Variants in ZNF236 observed in about 807,000 individuals in gnomAD.
ZNF236 encodes the protein zinc finger protein 236, also known as regulated by glucose.
Under a neutral mutation model 191.2 loss-of-function variants are expected in ZNF236, and 50 were observed. The observed-to-expected ratio is 0.26, with a 90% CI of 0.21 to 0.33. The LOEUF (loss-of-function observed/expected upper bound fraction) is 0.33, where lower values mean the gene tolerates loss of function less well. Among genes scored for constraint, ZNF236 ranks in the 10% least tolerant of loss-of-function variants. The probability of loss-of-function intolerance (pLI) is 1.00; values close to 1 mark genes in which losing one functional copy is unlikely to be tolerated. For synonymous variants in ZNF236, 907 were observed against 928.8 expected, an observed-to-expected ratio of 0.98 and a Z score of 0.43; for missense variants, 1,754 against 2,374.5, an observed-to-expected ratio of 0.74 and a Z score of 5.43.
chr18:76,923,694 TCTGC>T (rs1240651019), intron 21 of ZNF236, among the ~76,000 whole-genome samples: 3 of 152,168 alleles, frequency 2.0e-5, no homozygotes, highest in African/African-American at 7.2e-5. Context: ...TGCCTCTGCC[TCTGC>T]CTGCTTGGGA....
intron 1 of ZNF236, among the ~76,000 whole-genome samples, chr18:76,847,433 G>A (rs1226073497): frequency 6.6e-6 from 1 of 151,712 alleles, no homozygotes; most frequent in African/African-American, 2.4e-5. Context: ...CAATTGCTAG[G>A]GTCCCAACAA....
At chr18:76,833,363 G>T (rs1975227651) in intron 1 of ZNF236, among the ~76,000 whole-genome samples, 1 of 152,052 alleles carries the variant, frequency 6.6e-6, no homozygotes, top group African/African-American at 2.4e-5. Flanking sequence ...GATATTATAA[G>T]ATTACATAAG....
At chr18:76,844,478 A>G (rs1312537991) in intron 1 of ZNF236, among the ~76,000 whole-genome samples, 1 of 152,178 alleles carries the variant, frequency 6.6e-6, no homozygotes, top group Non-Finnish European at 1.5e-5. Context: ...CAGAGTGAGG[A>G]AGATCAACCA....
intron 1 of ZNF236, among the ~76,000 whole-genome samples, chr18:76,841,368 G>C (rs987608661): frequency 2.6e-5 from 4 of 152,326 alleles, no homozygotes. Context: ...CTCCGCGCCC[G>C]GCCAGGTGAA....
At chr18:76,956,237 G>A (rs1034091580) in intron 28 of ZNF236, 55 bp downstream of exon 28, 64 of 1,530,298 alleles carry the variant, frequency 4.2e-5, no homozygotes, top group African/African-American at 2.6e-4. Context: ...CTAGAGATGC[G>A]GAGTCCAAGA....
At chr18:76,895,492 A>G in intron 10 of ZNF236, 1 of 692,130 alleles carries the variant, frequency 1.4e-6, no homozygotes, top group Non-Finnish European at 2.4e-6. Flanking sequence ...TACTGCCCAC[A>G]GGGACTGCAC....
In ZNF236 at chr18:76,871,689, T is replaced by A; in HGVS notation, c.543-12T>A. On this transcript the variant is annotated splice_polypyrimidine_tract_variant and intron_variant, in intron 4 of 30. Coordinates refer to ENST00000320610, the MANE Select transcript of ZNF236 (RefSeq NM_001306089.2). ...ATCTTACTGTGTATTTTGCCCCCCT[T>A]TATTACACTAGGGTATCAAGTACAA... 1 of 1,613,970 alleles carries A rather than the reference T, an allele frequency of 6.2e-7. No homozygotes were observed. Among genetic ancestry groups the A allele is most frequent in the Non-Finnish European group, 8.5e-7 (1 of 1,179,890 alleles).
At chr18:76,841,150 G>C (rs1032971665) in intron 1 of ZNF236, 1 of 152,286 alleles carries the variant, frequency 6.6e-6, no homozygotes, top group Non-Finnish European at 1.5e-5. Context: ...TGTTGGTCAG[G>C]CTGGTCTCTA....
intron 6 of ZNF236, among the ~76,000 whole-genome samples, chr18:76,876,775 C>T (rs955120551): frequency 2.0e-5 from 3 of 152,028 alleles, no homozygotes; most frequent in Admixed American, 6.6e-5. Flanking sequence ...TAGGAAGGAT[C>T]GTCTATTTGT....
chr18:76,910,319 T>G, intron 15 of ZNF236, 150 bp downstream of exon 15: 1 of 682,936 alleles, frequency 1.5e-6, no homozygotes, highest in East Asian at 2.8e-5. Context: ...TAGATTTTTT[T>G]TTATTGATGC....
Position 76,925,654 on chromosome 18 carries a change from C to A in ZNF236, c.4027+100C>A. ...ACAGAAGAGATGTTGTTTACCGTAGCACCACGTTTCCCTTCTTTGAGCCTT... is the reference window on the plus strand; with the variant it reads ...ACAGAAGAGATGTTGTTTACCGTAGAACCACGTTTCCCTTCTTTGAGCCTT... On this transcript the variant is annotated intron_variant, in intron 22 of 30. Coordinates refer to ENST00000320610, the MANE Select transcript of ZNF236 (RefSeq NM_001306089.2). The surrounding 1 kb of genome is among the most constrained non-coding windows in gnomAD (Gnocchi z 5.7). 4 of 1,444,272 alleles carry A rather than the reference C, an allele frequency of 2.8e-6. No individual in the cohort carries two copies. Among genetic ancestry groups the A allele is most frequent in the Non-Finnish European group, 2.8e-6 (3 of 1,090,802 alleles). 89.5% of individuals were successfully genotyped at this position (1,444,272 alleles called of 1,614,324 possible). A position where few individuals can be genotyped will look rare whatever the true frequency, so the allele number is the denominator to read the frequency against.
chr18:76,901,487 G>A lies in ZNF236; in HGVS notation c.1894+2265G>A, dbSNP rs143797945. On this transcript the variant is annotated intron_variant, in intron 11 of 30. Transcript: ENST00000320610. ...CCAAAACACCAGTCTGGTTGGGCGC[G>A]GTGGCTCACGCCTGTGACCCTAGCA... Among the ~76,000 whole-genome samples the A allele has an allele frequency of 5.4e-3, 822 of 152,314 alleles. 8 individuals are homozygous for A. The highest frequency in any genetic ancestry group is 0.019 in the African/African-American group (776 of 41,556).
At chr18:76,959,942 CAT>C (rs1371375928) in intron 29 of ZNF236, 126 bp downstream of exon 29, 8 of 1,167,858 alleles carry the variant, frequency 6.9e-6, no homozygotes, top group African/African-American at 1.5e-5. Context: ...GCAAGGTCCA[CAT>C]GTTCCATTTC....
chr18:76,946,084 T>C (rs1025432021), intron 26 of ZNF236, among the ~76,000 whole-genome samples: 55 of 152,224 alleles, frequency 3.6e-4, no homozygotes, highest in African/African-American at 1.3e-3. Flanking sequence ...GTGTCTGATA[T>C]AGTTTGGCCG....
At chr18:76,913,254 A>G (rs1967265695) in intron 17 of ZNF236, among the ~76,000 whole-genome samples, 1 of 152,234 alleles carries the variant, frequency 6.6e-6, no homozygotes, top group African/African-American at 2.4e-5. Context: ...CTGCATATTT[A>G]TATATTATTC....
chr18:76,927,560 C>A lies in ZNF236; in HGVS notation c.4414+43C>A, dbSNP rs772920210. 1 of 1,581,390 alleles carries A rather than the reference C, an allele frequency of 6.3e-7. No homozygotes were observed. Among genetic ancestry groups the A allele is most frequent in the Non-Finnish European group, 8.6e-7 (1 of 1,163,556 alleles). On this transcript the variant is annotated intron_variant, in intron 24 of 30. Transcript: ENST00000320610. The surrounding 1 kb of genome is among the most constrained non-coding windows in gnomAD (Gnocchi z 5.4). ...TTGCTTATTTTGACAGCTGGAGTTT[C>A]AGTTTCTTGCTTGTGATTACATATT...
intron 9 of ZNF236, among the ~76,000 whole-genome samples, chr18:76,891,390 T>A (rs1977228661): frequency 6.6e-6 from 1 of 152,196 alleles, no homozygotes; most frequent in Non-Finnish European, 1.5e-5. Flanking sequence ...TAGGTTTTTT[T>A]TTTCGAGACA....
chr18:76,913,985 A>T, intron 18 of ZNF236, 87 bp downstream of exon 18: 7 of 1,414,408 alleles, frequency 4.9e-6, no homozygotes, highest in Non-Finnish European at 6.8e-6. Flanking sequence ...CAGTTCACCC[A>T]CTTAAAGTGT....
At chr18:76,853,837 C>T (rs1230679741) in intron 3 of ZNF236, among the ~76,000 whole-genome samples, 1 of 151,748 alleles carries the variant, frequency 6.6e-6, no homozygotes, top group African/African-American at 2.4e-5. Flanking sequence ...ATGGTGAAAC[C>T]CTGTCTCTAT....
Sources: allele counts gnomAD v4.1 joint callset (sites outside exome capture counted in the v4.1 genomes callset), GRCh38; gene constraint gnomAD v4.1.1; non-coding constraint Gnocchi (gnomAD v3.1); transcripts MANE v1.5; gene names NCBI Gene and HGNC (gene_info 2026-07-23, HGNC 2026-07-21).